Variants in NUP98 observed in about 807,000 individuals in gnomAD.
NUP98 encodes nucleoporin 98 and 96 precursor, also known as nuclear pore complex protein Nup98-Nup96.
In NUP98, 26 loss-of-function variants were observed where a neutral mutation model predicts 191.9. The observed-to-expected ratio is 0.14, with a 90% CI of 0.10 to 0.19. The LOEUF (loss-of-function observed/expected upper bound fraction) is 0.19. NUP98 is among the 10% of genes least tolerant of loss of function. The pLI, the probability that NUP98 is intolerant of heterozygous loss-of-function variation, is 1.00. For synonymous variants in NUP98, 808 were observed against 778.4 expected (o/e 1.04, Z -0.63); for missense variants, 1,941 against 2,178.8 (o/e 0.89, Z 2.17).
At chr11:3,768,134 G>T (rs2081399993) in intron 8 of NUP98, among the ~76,000 whole-genome samples, 1 of 152,038 alleles carries the variant, frequency 6.6e-6, no homozygotes, top group Non-Finnish European at 1.5e-5. Flanking sequence ...CTAAGACTTT[G>T]TTCTTGGCCG....
intron 25 of NUP98, chr11:3,697,382 C>T (rs2078541183): frequency 6.6e-6 from 1 of 152,208 alleles, no homozygotes; most frequent in South Asian, 2.1e-4. Flanking sequence ...CCAAAAGTGG[C>T]AAAACTCTTC....
chr11:3,797,288 CG>C (rs1158465097), intron 1 of NUP98, 111 bp downstream of exon 1: 30 of 397,058 alleles, frequency 7.6e-5, no homozygotes, highest in Middle Eastern at 1.3e-3. Flanking sequence ...GTGCGCGCAG[CG>C]GCGCTAGACT....
chr11:3,708,980 C>T (rs937456176), intron 20 of NUP98, among the ~76,000 whole-genome samples: 40 of 152,054 alleles, frequency 2.6e-4, no homozygotes, highest in Non-Finnish European at 1.5e-4. Context: ...TGGAGGGTAA[C>T]GTTTCACAAC....
intron 1 of NUP98, among the ~76,000 whole-genome samples, chr11:3,785,818 CCATTT>C (rs1473035922): frequency 6.6e-6 from 1 of 151,934 alleles, no homozygotes; most frequent in Non-Finnish European, 1.5e-5. Flanking sequence ...ATTTTCCATT[CCATTT>C]GGATTTTACT....
At chr11:3,734,688 G>C (rs1285043526) in intron 13 of NUP98, among the ~76,000 whole-genome samples, 5 of 152,154 alleles carry the variant, frequency 3.3e-5, no homozygotes, top group Non-Finnish European at 7.3e-5. Context: ...TAAAAATCAA[G>C]AGGTTAAGAT....
chr11:3,689,801 A>AT (rs2078250253), intron 28 of NUP98, among the ~76,000 whole-genome samples: 7 of 150,454 alleles, frequency 4.7e-5, no homozygotes, highest in South Asian at 2.1e-4. Flanking sequence ...CACATGGCTA[A>AT]TTTTTTTTTA....
rs142828548 is a variant in NUP98 at position 3,771,841 on chromosome 11, A to G, written c.691T>C (p.Ser231Pro). The change falls in exon 7 of 33, where the codon TCT becomes CCT. Residue 231 changes from serine (S) to proline (P), a missense_variant. By Grantham distance (74) the Ser-to-Pro change is moderately conservative. Coordinates refer to ENST00000324932, the MANE Select transcript of NUP98 (RefSeq NM_016320.5). ...CCTGTTGCGCTGGAAGTGGCTGGAG[A>G]AGACCCAAACAAGCCAGTTGTGGTA... Reference protein sequence around the residue: ...AGTTTGLFGSSPATSSATGLF... With the variant: ...AGTTTGLFGSPPATSSATGLF... The G allele has an allele frequency of 2.4e-5, 38 of 1,613,934 alleles. No homozygotes were observed. Among genetic ancestry groups the G allele is most frequent in the Non-Finnish European group, 2.7e-5 (32 of 1,180,018 alleles).
rs1352489076 is a variant in NUP98, at chr11:3,712,573, A to T, written c.2733T>A (p.Pro911=). Residue 911 remains proline, a synonymous_variant, in exon 20 of 33, where the codon CCT becomes CCA. Coordinates refer to ENST00000324932, the MANE Select transcript of NUP98 (RefSeq NM_016320.5). ...LQMALNGKPA[P]PPQSQSPEVE... ...GTCCTTTTTTCTCTACCTGAGGTGG[A>T]GGTGCAGGTTTGCCATTAAGAGCCA... The T allele has an allele frequency of 1.5e-5, 24 of 1,613,676 alleles. No homozygotes were observed. Among genetic ancestry groups the T allele is most frequent in the Non-Finnish European group, 1.9e-5 (23 of 1,179,908 alleles).
intron 11 of NUP98, among the ~76,000 whole-genome samples, chr11:3,752,947 G>A (rs1010675064): frequency 6.6e-6 from 1 of 152,164 alleles, no homozygotes; most frequent in Non-Finnish European, 1.5e-5. Context: ...TTATTGCTCT[G>A]CCTTTCTATT....
rs1327966275 is a variant in NUP98 at position 3,753,879 on chromosome 11, CA to C, written c.1175-472del. 4.1e-5 allele frequency among the ~76,000 whole-genome samples: 6 copies of C among 148,004 alleles called. No homozygotes were observed. The Admixed American group carries it at 4.1e-4, about 10-fold the overall frequency. ...GTTTCAACCCAGGAGGCAAAGGTTGCAGTGAGCCTAGATTGCGCCACTGCAC... is the reference window on the plus strand; with the variant it reads ...GTTTCAACCCAGGAGGCAAAGGTTGCGTGAGCCTAGATTGCGCCACTGCAC... On this transcript the variant is annotated intron_variant, in intron 10 of 32. Coordinates refer to ENST00000324932, the MANE Select transcript of NUP98 (RefSeq NM_016320.5).
intron 6 of NUP98, among the ~76,000 whole-genome samples, chr11:3,773,370 G>A (rs1340048627): frequency 6.6e-6 from 1 of 151,600 alleles, no homozygotes; most frequent in African/African-American, 2.4e-5. Context: ...ATTCCAGCCT[G>A]GGCAAAAAAG....
Position 3,719,493 on chromosome 11 carries a change from T to G in NUP98, c.2318A>C (p.Asp773Ala), listed in dbSNP as rs1167395767. ...DVNLTNLNLD[D>A]IVHIRRKEVV... ...TTCTTTCCTCCGGATATGCACAATA[T>G]CATCCAAATTTAGATTTGTCAAATT... Residue 773 changes from aspartate (D) to alanine (A), a missense_variant, in exon 18 of 33, where the codon GAT (aspartate) becomes GCT (alanine). This residue lies in a region of NUP98 where 453 missense variants were observed against 438.2 expected (regional missense o/e 1.03). Coordinates refer to ENST00000324932, the MANE Select transcript of NUP98 (RefSeq NM_016320.5). 1.3e-6 allele frequency: 2 copies of G among 1,593,580 alleles called. No individual in the cohort carries two copies. Among genetic ancestry groups the G allele is most frequent in the African/African-American group, 1.4e-5 (1 of 73,600 alleles).
At chr11:3,699,462 A>C (rs1479875127) in intron 24 of NUP98, 114 bp from the exon 25 acceptor site, 7 of 1,168,730 alleles carry the variant, frequency 6.0e-6, no homozygotes, top group South Asian at 4.4e-5. Flanking sequence ...CATCTCAAAC[A>C]ACCACTCAAG....
intron 25 of NUP98, among the ~76,000 whole-genome samples, chr11:3,695,954 G>A (rs1180066651): frequency 2.6e-5 from 4 of 152,132 alleles, no homozygotes; most frequent in Non-Finnish European, 5.9e-5. Flanking sequence ...CACTCTGGCA[G>A]GCCAAGGGAG....
chr11:3,710,752 G>A (rs925009769), intron 20 of NUP98, among the ~76,000 whole-genome samples: 1 of 152,172 alleles, frequency 6.6e-6, no homozygotes, highest in African/African-American at 2.4e-5. Context: ...TTGGGTCAGT[G>A]AGCAATAAAT....
rs764056338 is a variant in NUP98, at chr11:3,784,585, C to CA, written c.-28-2441dup. 8.3e-3 allele frequency among the ~76,000 whole-genome samples: 1,152 copies of CA among 139,198 alleles called. 15 individuals carry two copies. The highest frequency in any genetic ancestry group is 0.03 in the Middle Eastern group (8 of 270). The allele number at this position is 139,198 out of a possible 152,430, so 91.3% of individuals were successfully genotyped here. A position where few individuals can be genotyped will look rare whatever the true frequency, so the allele number is the denominator to read the frequency against. Reference sequence around the variant, plus strand: ...AGCAAGACTCTGTCTCTATTAAAAACAAAAAAAAAACAAAAAAAAACAAAA... The same window carrying CA: ...AGCAAGACTCTGTCTCTATTAAAAACAAAAAAAAAAACAAAAAAAAACAAAA... On this transcript the variant is annotated intron_variant, in intron 1 of 32. Coordinates refer to ENST00000324932, the MANE Select transcript of NUP98 (RefSeq NM_016320.5).
At chr11:3,771,726 T>TA in intron 7 of NUP98, 22 bp downstream of exon 7, 2 of 1,607,942 alleles carry the variant, frequency 1.2e-6, no homozygotes, top group South Asian at 2.2e-5. Flanking sequence ...CAGTATAATC[T>TA]AACATGATAT....
chr11:3,746,940 G>T (rs377660028), intron 11 of NUP98, among the ~76,000 whole-genome samples: 1 of 151,604 alleles, frequency 6.6e-6, no homozygotes, highest in East Asian at 1.9e-4. Flanking sequence ...AGTACTGTGA[G>T]GTTTGAGTTG....
intron 11 of NUP98, among the ~76,000 whole-genome samples, chr11:3,749,638 A>G (rs2080664693): frequency 6.6e-6 from 1 of 152,118 alleles, no homozygotes; most frequent in Non-Finnish European, 1.5e-5. Flanking sequence ...AAATAAATAA[A>G]TAAAATATAA....
Sources: allele counts gnomAD v4.1 joint callset (sites outside exome capture counted in the v4.1 genomes callset), GRCh38; gene constraint gnomAD v4.1.1; regional missense constraint gnomAD v4.1.1; transcripts MANE v1.5; gene names NCBI Gene and HGNC (gene_info 2026-07-23, HGNC 2026-07-21).